Variants in ARB2A observed in about 807,000 individuals in gnomAD.
ARB2A encodes the protein ARB2 cotranscriptional regulator A.
At chr5:93,938,909 TA>T in the ARB2A span, among the ~76,000 whole-genome samples, 1 of 152,208 alleles carries the variant, frequency 6.6e-6, no homozygotes, top group Non-Finnish European at 1.5e-5. Context: ...GCCATTACAA[TA>T]CCAAGTAATT....
At chr5:93,816,544 A>T in the ARB2A span, among the ~76,000 whole-genome samples, 3 of 152,176 alleles carry the variant, frequency 2.0e-5, no homozygotes, top group African/African-American at 7.2e-5. Flanking sequence ...AGACAGAGTG[A>T]CCAATCTCTC....
At chr5:94,032,002 T>C in the ARB2A span, among the ~76,000 whole-genome samples, 1 of 152,178 alleles carries the variant, frequency 6.6e-6, no homozygotes, top group African/African-American at 2.4e-5. Flanking sequence ...TGGAGGATTA[T>C]GTTAGCTTCT....
the ARB2A span, among the ~76,000 whole-genome samples, chr5:93,726,233 T>C: frequency 2.0e-5 from 3 of 152,180 alleles, no homozygotes; most frequent in East Asian, 1.9e-4. Context: ...ACAAGGACGA[T>C]GGTGGACATA....
At chr5:93,984,354 T>C in the ARB2A span, among the ~76,000 whole-genome samples, 1 of 152,198 alleles carries the variant, frequency 6.6e-6, no homozygotes, top group Non-Finnish European at 1.5e-5. Flanking sequence ...AGCCACAGGT[T>C]ATTTCAATAA....
chr5:93,945,021 T>C, the ARB2A span, among the ~76,000 whole-genome samples: 1 of 151,812 alleles, frequency 6.6e-6, no homozygotes, highest in Admixed American at 6.6e-5. Flanking sequence ...GGGGCTTTAG[T>C]TGTAAGTTCA....
chr5:93,950,517 C>T, the ARB2A span, among the ~76,000 whole-genome samples: 5 of 152,104 alleles, frequency 3.3e-5, no homozygotes, highest in Non-Finnish European at 5.9e-5. Context: ...GTGGTGCATA[C>T]CTGTAATCCC....
At chr5:93,816,298 T>C in the ARB2A span, among the ~76,000 whole-genome samples, 1 of 152,324 alleles carries the variant, frequency 6.6e-6, no homozygotes, top group East Asian at 1.9e-4. Context: ...TGTGTTTTTC[T>C]ACATTCCTTC....
chr5:93,839,310 C>T, the ARB2A span, among the ~76,000 whole-genome samples: 1 of 152,004 alleles, frequency 6.6e-6, no homozygotes, highest in Admixed American at 6.6e-5. Flanking sequence ...GTGGTTTTGT[C>T]TTTAGTTTCA....
chr5:94,015,398 A>T, the ARB2A span, among the ~76,000 whole-genome samples: 1 of 152,100 alleles, frequency 6.6e-6, no homozygotes, highest in Admixed American at 6.5e-5. Context: ...AACACAAGAG[A>T]GAGTTCTTCA....
chr5:93,620,741 G>A, the ARB2A span: 1 of 399,002 alleles, frequency 2.5e-6, no homozygotes, highest in Non-Finnish European at 4.3e-6. Context: ...GCCTTAATGT[G>A]AGCGCTGACT....
At chr5:93,994,663 T>C in the ARB2A span, among the ~76,000 whole-genome samples, 170 of 152,070 alleles carry the variant, frequency 1.1e-3, no homozygotes, top group African/African-American at 3.9e-3. Flanking sequence ...AAAAAACTTA[T>C]AGACAAACCA....
the ARB2A span, among the ~76,000 whole-genome samples, chr5:94,034,691 C>T: frequency 6.6e-6 from 1 of 152,242 alleles, no homozygotes; most frequent in African/African-American, 2.4e-5. Flanking sequence ...GTCCTTTTCA[C>T]ATGCGTCCAT....
At chr5:93,861,560 A>T in the ARB2A span, 1 of 152,228 alleles carries the variant, frequency 6.6e-6, no homozygotes. Flanking sequence ...GCTGTTCAAT[A>T]ACTATTTGAT....
chr5:93,850,765 T>C, the ARB2A span, among the ~76,000 whole-genome samples: 1 of 152,192 alleles, frequency 6.6e-6, no homozygotes, highest in Admixed American at 6.5e-5. Context: ...ACCATATATA[T>C]TTAACATTTG....
the ARB2A span, among the ~76,000 whole-genome samples, chr5:93,690,380 G>A: frequency 4.6e-4 from 70 of 152,220 alleles, no homozygotes; most frequent in African/African-American, 1.7e-4. Context: ...AAGGGTGTCC[G>A]CCATTACTGA....
At chr5:93,772,167 GAA>G in the ARB2A span, among the ~76,000 whole-genome samples, 2 of 152,150 alleles carry the variant, frequency 1.3e-5, no homozygotes, top group African/African-American at 4.8e-5. Context: ...GGACATGGAT[GAA>G]ATTGGAAATC....
the ARB2A span, among the ~76,000 whole-genome samples, chr5:93,827,287 T>A: frequency 6.6e-6 from 1 of 152,230 alleles, no homozygotes; most frequent in Non-Finnish European, 1.5e-5. Flanking sequence ...TGATCACCAT[T>A]TTAACTGGTG....
chr5:93,986,801 A>T, the ARB2A span, among the ~76,000 whole-genome samples: 475 of 152,310 alleles, frequency 3.1e-3, 10 homozygotes, highest in Middle Eastern at 0.024. Flanking sequence ...TTTGTTAAAC[A>T]GATGCTTGAA....
At chr5:93,761,351 C>G in the ARB2A span, among the ~76,000 whole-genome samples, 6 of 152,180 alleles carry the variant, frequency 3.9e-5, no homozygotes, top group Admixed American at 3.3e-4. Context: ...TCGGGTCACT[C>G]TCACCCTAAT....
Sources: gnomAD v4.1 joint callset for allele counts (sites outside exome capture counted in the v4.1 genomes callset) on GRCh38, gnomAD v4.1.1 for gene constraint, MANE v1.5 for transcripts, NCBI Gene and HGNC (gene_info 2026-07-23, HGNC 2026-07-21) for gene names.